The following RAB38 variants were observed in gnomAD, a reference collection of about 807,000 sequenced individuals.
RAB38 encodes RAB38, member RAS oncogene family.
A neutral mutation model predicts 18.4 loss-of-function variants in RAB38; 15 were observed. The ratio of observed to expected loss-of-function variants is 0.82; its 90% CI spans 0.55 to 1.26. RAB38 has a LOEUF of 1.26. Ranked by LOEUF, RAB38 falls within the 50% of genes most tolerant of loss-of-function variation. The probability of loss-of-function intolerance (pLI) is 0.00; values close to 1 mark genes in which losing one functional copy is unlikely to be tolerated. For missense variants in RAB38, 294 were observed against 267.4 expected (o/e 1.10, Z -0.69); for synonymous variants, 101 against 104.4 (o/e 0.97, Z 0.20).
the RAB38 span, among the ~76,000 whole-genome samples, chr11:87,976,036 G>A: frequency 2.7e-5 from 4 of 150,746 alleles, no homozygotes; most frequent in African/African-American, 7.3e-5. Context: ...TCCAAATAAC[G>A]CTATTGCTGT....
the RAB38 span, among the ~76,000 whole-genome samples, chr11:88,011,971 T>C: frequency 2.0e-5 from 3 of 152,172 alleles, no homozygotes; most frequent in Admixed American, 6.5e-5. Flanking sequence ...AAAGCTACCA[T>C]GGGGCACACT....
At chr11:88,017,309 TCTC>T in the RAB38 span, among the ~76,000 whole-genome samples, 1 of 151,966 alleles carries the variant, frequency 6.6e-6, no homozygotes. Flanking sequence ...CATTTAGTGA[TCTC>T]ATCATATTCT....
chr11:87,928,748 G>A, the RAB38 span, among the ~76,000 whole-genome samples: 1 of 151,914 alleles, frequency 6.6e-6, no homozygotes, highest in Non-Finnish European at 1.5e-5. Flanking sequence ...TAAACACTCA[G>A]TTTCTTAATA....
At chr11:87,886,337 A>G in the RAB38 span, among the ~76,000 whole-genome samples, 3 of 150,272 alleles carry the variant, frequency 2.0e-5, no homozygotes, top group African/African-American at 5.0e-5. Context: ...GTGTGTGTGC[A>G]TGCACATGTG....
chr11:87,870,583 C>T, the RAB38 span, among the ~76,000 whole-genome samples: 45,044 of 151,318 alleles, frequency 0.3, 8,632 homozygotes, highest in African/African-American at 0.53. Context: ...GTTTTTAGTT[C>T]GGTGTTTCTA....
At chr11:88,008,141 G>T in the RAB38 span, among the ~76,000 whole-genome samples, 1 of 152,088 alleles carries the variant, frequency 6.6e-6, no homozygotes, top group Admixed American at 6.5e-5. Flanking sequence ...TGATCAGGAT[G>T]TTGGTTAGAT....
chr11:88,018,875 G>C, the RAB38 span, among the ~76,000 whole-genome samples: 1 of 151,968 alleles, frequency 6.6e-6, no homozygotes, highest in East Asian at 1.9e-4. Flanking sequence ...CTGAAGATGA[G>C]GAACCCCCAC....
At chr11:87,977,867 A>G in the RAB38 span, among the ~76,000 whole-genome samples, 504 of 111,070 alleles carry the variant, frequency 4.5e-3, 6 homozygotes, top group Middle Eastern at 0.024. Flanking sequence ...ATATACTTAC[A>G]AATATATATA....
At chr11:87,830,987 G>C in the RAB38 span, among the ~76,000 whole-genome samples, 9 of 151,918 alleles carry the variant, frequency 5.9e-5, no homozygotes, top group Non-Finnish European at 1.3e-4. Flanking sequence ...ACATATTTTT[G>C]ATAGAGATGG....
the RAB38 span, among the ~76,000 whole-genome samples, chr11:88,022,792 T>G: frequency 1.3e-5 from 2 of 152,256 alleles, no homozygotes; most frequent in South Asian, 2.1e-4. Flanking sequence ...CAGTCTATAG[T>G]TGATGGGCAT....
the RAB38 span, among the ~76,000 whole-genome samples, chr11:87,873,896 A>G: frequency 5.7e-3 from 497 of 87,290 alleles, 15 homozygotes; most frequent in East Asian, 0.067. Context: ...GTGTGTGTAT[A>G]TATATATATA....
chr11:87,930,851 G>C, the RAB38 span, among the ~76,000 whole-genome samples: 1 of 94,540 alleles, frequency 1.1e-5, no homozygotes, highest in Non-Finnish European at 2.0e-5. Flanking sequence ...GTTTTTGTCA[G>C]GTTTGTCAAA....
chr11:88,020,549 C>T, the RAB38 span, among the ~76,000 whole-genome samples: 3 of 152,138 alleles, frequency 2.0e-5, no homozygotes, highest in Admixed American at 2.0e-4. Flanking sequence ...GTATCCCAGA[C>T]AGAAACTCAA....
chr11:87,858,770 T>C, the RAB38 span, among the ~76,000 whole-genome samples: 8 of 152,154 alleles, frequency 5.3e-5, 1 homozygote, highest in South Asian at 1.7e-3. Context: ...TGTTGTTATA[T>C]GTAGGTCATT....
downstream of RAB38, among the ~76,000 whole-genome samples, chr11:88,108,329 A>G (rs1021816145): frequency 6.6e-6 from 1 of 152,166 alleles, no homozygotes; most frequent in Non-Finnish European, 1.5e-5. Flanking sequence ...TATATTTAGG[A>G]TAGTTAGCTC....
intron 2 of RAB38, among the ~76,000 whole-genome samples, chr11:88,134,230 C>T (rs1484057176): frequency 6.6e-6 from 1 of 151,998 alleles, no homozygotes; most frequent in Non-Finnish European, 1.5e-5. Context: ...CAAAAACTGC[C>T]AACTCTATTT....
At chr11:88,115,029 T>A (rs1242730194) in intron 2 of RAB38, among the ~76,000 whole-genome samples, 1 of 152,072 alleles carries the variant, frequency 6.6e-6, no homozygotes, top group Non-Finnish European at 1.5e-5. Flanking sequence ...TTGGAAAAAA[T>A]ATGGAGCAAA....
At chr11:88,006,588 G>GTA in the RAB38 span, among the ~76,000 whole-genome samples, 9,444 of 142,226 alleles carry the variant, frequency 0.066, 344 homozygotes, top group Middle Eastern at 0.1. Context: ...TTATATATAT[G>GTA]TATATAATAT....
At chr11:87,859,993 T>C in the RAB38 span, among the ~76,000 whole-genome samples, 3 of 152,156 alleles carry the variant, frequency 2.0e-5, no homozygotes, top group Admixed American at 6.6e-5. Context: ...GTCTGTGGTA[T>C]AGAATACTTA....
Sources: gnomAD v4.1 joint callset for allele counts (sites outside exome capture counted in the v4.1 genomes callset) on GRCh38, gnomAD v4.1.1 for gene constraint, MANE v1.5 for transcripts, NCBI Gene and HGNC (gene_info 2026-07-23, HGNC 2026-07-21) for gene names.